Variants in RBFOX1 observed in about 807,000 individuals in gnomAD.
RBFOX1 encodes RNA binding protein fox-1 homolog 1.
In RBFOX1, 8 loss-of-function variants were observed where a neutral mutation model predicts 57.7. The ratio of observed to expected loss-of-function variants is 0.14; its 90% CI spans 0.08 to 0.25. The LOEUF (loss-of-function observed/expected upper bound fraction) is 0.25. Ranked by LOEUF, RBFOX1 falls within the 10% of genes least tolerant of loss-of-function variation. RBFOX1 has a pLI of 1.00. For synonymous variants in RBFOX1, 326 were observed against 222.4 expected, an observed-to-expected ratio of 1.47 and a Z score of -4.15; for missense variants, 611 against 548.5, an observed-to-expected ratio of 1.11 and a Z score of -1.14.
At chr16:7,332,841 T>TTTTC in intron 4 of RBFOX1, 2 of 1,448,572 alleles carry the variant, frequency 1.4e-6, no homozygotes, top group Admixed American at 5.1e-5. Flanking sequence ...CTGATGCGGA[T>TTTTC]TTTCTTTCTT....
In RBFOX1 at chr16:6,459,342, T is replaced by C. The variant is rs539076984; in HGVS notation, c.-64+142285T>C. Among the ~76,000 whole-genome samples the C allele has an allele frequency of 3.3e-5, 5 of 152,262 alleles. No individual in the cohort carries two copies. The East Asian group carries it at 9.7e-4, about 30-fold the overall frequency. On this transcript the variant is annotated intron_variant, in intron 2 of 15. Transcript: ENST00000550418. ...CAGAGGGCGAAATCAGCAAGTTTTCTTTATTCAGGATACTCACTCGGCTTA... is the reference window on the plus strand; with the variant it reads ...CAGAGGGCGAAATCAGCAAGTTTTCCTTATTCAGGATACTCACTCGGCTTA...
At chr16:7,598,081 A>C (rs2094802550) in intron 9 of RBFOX1, among the ~76,000 whole-genome samples, 1 of 152,216 alleles carries the variant, frequency 6.6e-6, no homozygotes, top group East Asian at 1.9e-4. Context: ...TGAGTTATTA[A>C]AAATGTTTGA....
intron 3 of RBFOX1, among the ~76,000 whole-genome samples, chr16:6,859,563 A>C (rs1387210012): frequency 6.6e-6 from 1 of 151,896 alleles, no homozygotes; most frequent in Non-Finnish European, 1.5e-5. Context: ...TGGAAATCTG[A>C]ATTTAGATGA....
At chr16:5,650,275 C>A (rs1332392919) in intron 3 of RBFOX1, among the ~76,000 whole-genome samples, 2 of 152,120 alleles carry the variant, frequency 1.3e-5, no homozygotes, top group Non-Finnish European at 2.9e-5. Context: ...GTGAAGTGCC[C>A]CTTTCTGGGC....
At position 7,100,565 on chromosome 16, in the gene RBFOX1, G is replaced by GTTT. The variant is rs201889492; in HGVS notation, c.27+48485_27+48487dup. ...GGGAAAACATGGGTTTTTAAAGGTT[G>GTTT]TTTTTTTTTTTTTTTTTTTTAGCAT... On this transcript the variant is annotated intron_variant, in intron 4 of 15. Coordinates refer to ENST00000550418, the MANE Select transcript of RBFOX1 (RefSeq NM_018723.4). 5.4e-3 allele frequency among the ~76,000 whole-genome samples: 643 copies of GTTT among 118,706 alleles called. 6 individuals carry two copies. The highest frequency in any genetic ancestry group is 0.019 in the African/African-American group (603 of 31,238). The allele number at this position is 118,706 out of a possible 152,430, so 77.9% of individuals were successfully genotyped here. A position where few individuals can be genotyped will look rare whatever the true frequency, so the allele number is the denominator to read the frequency against.
At chr16:7,253,154 A>C (rs1379123409) in intron 4 of RBFOX1, among the ~76,000 whole-genome samples, 1 of 152,300 alleles carries the variant, frequency 6.6e-6, no homozygotes, top group African/African-American at 2.4e-5. Flanking sequence ...CGCTGGATAA[A>C]ATCTCTTCTC....
intron 4 of RBFOX1, among the ~76,000 whole-genome samples, chr16:6,001,211 A>T (rs1357026005): frequency 6.6e-6 from 1 of 152,240 alleles, no homozygotes; most frequent in African/African-American, 2.4e-5. Context: ...GCTTTGCCAC[A>T]TATTAGCCTG....
At chr16:6,635,768 C>G (rs2098426205) in intron 2 of RBFOX1, among the ~76,000 whole-genome samples, 2 of 152,148 alleles carry the variant, frequency 1.3e-5, no homozygotes, top group African/African-American at 2.4e-5. Flanking sequence ...CCAACATAAA[C>G]TATTTTGATG....
chr16:7,536,675 A>G (rs1290048606), intron 5 of RBFOX1, among the ~76,000 whole-genome samples: 2 of 152,232 alleles, frequency 1.3e-5, no homozygotes, highest in Non-Finnish European at 2.9e-5. Flanking sequence ...CAGACAGCAG[A>G]TGTGGAAACA....
chr16:7,023,532 G>T (rs1261303821), intron 3 of RBFOX1, among the ~76,000 whole-genome samples: 1 of 119,308 alleles, frequency 8.4e-6, no homozygotes, highest in Non-Finnish European at 1.6e-5. Context: ...TTTAAGAACA[G>T]CCTGGCCAAC....
chr16:6,689,410 A>G (rs2059899724), intron 3 of RBFOX1, among the ~76,000 whole-genome samples: 1 of 152,194 alleles, frequency 6.6e-6, no homozygotes, highest in African/African-American at 2.4e-5. Flanking sequence ...AATAGATAAT[A>G]CTTTTTTCCT....
At chr16:7,543,413 A>T (rs1285249106) in intron 5 of RBFOX1, among the ~76,000 whole-genome samples, 1 of 152,208 alleles carries the variant, frequency 6.6e-6, no homozygotes. Flanking sequence ...GCCAGCAGCT[A>T]TCACTGCCAA....
intron 2 of RBFOX1, among the ~76,000 whole-genome samples, chr16:6,622,968 C>T (rs573346193): frequency 6.6e-6 from 1 of 152,338 alleles, no homozygotes; most frequent in Admixed American, 6.5e-5. Context: ...GACTCTTTGA[C>T]ATCCTTGGGC....
intron 1 of RBFOX1, among the ~76,000 whole-genome samples, chr16:6,232,494 A>G (rs576379186): frequency 6.6e-6 from 1 of 152,320 alleles, no homozygotes; most frequent in African/African-American, 2.4e-5. Context: ...TTTCATCTTC[A>G]TGAAATTCTG....
At chr16:5,985,783 T>C (rs1305278015) in intron 4 of RBFOX1, among the ~76,000 whole-genome samples, 1 of 152,112 alleles carries the variant, frequency 6.6e-6, no homozygotes, top group Admixed American at 6.5e-5. Context: ...CCTGCAGCAG[T>C]GTGATGGAGA....
At chr16:5,535,982 G>C (rs923574199) in intron 2 of RBFOX1, among the ~76,000 whole-genome samples, 6 of 152,044 alleles carry the variant, frequency 3.9e-5, no homozygotes, top group Non-Finnish European at 8.8e-5. Flanking sequence ...GTTAGTAAAA[G>C]TTTGTACAGC....
At chr16:6,153,046 T>TTG (rs1406426352) in intron 1 of RBFOX1, among the ~76,000 whole-genome samples, 8 of 151,280 alleles carry the variant, frequency 5.3e-5, no homozygotes, top group South Asian at 2.1e-4. Context: ...TTTTTTTTTT[T>TTG]TTTGTTAATT....
chr16:6,089,083 A>ATG (rs2096132605), intron 1 of RBFOX1, among the ~76,000 whole-genome samples: 1 of 149,392 alleles, frequency 6.7e-6, no homozygotes, highest in Admixed American at 6.7e-5. Flanking sequence ...AAAAAAATAT[A>ATG]TATATATATA....
intron 2 of RBFOX1, among the ~76,000 whole-genome samples, chr16:5,498,578 A>G (rs2043081191): frequency 6.6e-6 from 1 of 152,204 alleles, no homozygotes; most frequent in Non-Finnish European, 1.5e-5. Flanking sequence ...TGTGCATGGC[A>G]CTGGGAAGAT....
Sources: gnomAD v4.1 joint callset for allele counts (sites outside exome capture counted in the v4.1 genomes callset) on GRCh38, gnomAD v4.1.1 for gene constraint, MANE v1.5 for transcripts, NCBI Gene and HGNC (gene_info 2026-07-23, HGNC 2026-07-21) for gene names.